VASP: variants seen among roughly 807,000 people sequenced by gnomAD.
VASP encodes vasodilator stimulated phosphoprotein.
A neutral mutation model predicts 54.4 loss-of-function variants in VASP; 27 were observed. The ratio of observed to expected loss-of-function variants is 0.50; its 90% CI spans 0.37 to 0.68. The LOEUF is 0.68. VASP is among the 30% of genes least tolerant of loss of function. The pLI is 0.00. For synonymous variants in VASP, 233 were observed against 209.8 expected (o/e 1.11, Z -0.96); for missense variants, 488 against 528.3 (o/e 0.92, Z 0.75).
At position 45,526,189 on chromosome 19, in the gene VASP, C is replaced by A; in HGVS notation, c.*12C>A. On this transcript the variant is annotated 3_prime_UTR_variant, in exon 13 of 13. Coordinates refer to ENST00000245932, the MANE Select transcript of VASP (RefSeq NM_003370.4). ...GGGGTTCTCCCTGACCACAGGGACC[C>A]AGAAGACCCGCTTCTCCTTTCCGCA... 1 of 1,602,650 alleles carries A rather than the reference C, an allele frequency of 6.2e-7. No homozygotes were observed. Among genetic ancestry groups the A allele is most frequent in the Non-Finnish European group, 8.5e-7 (1 of 1,177,318 alleles).
chr19:45,512,790 G>A (rs536031629), intron 1 of VASP, among the ~76,000 whole-genome samples: 2 of 151,746 alleles, frequency 1.3e-5, no homozygotes, highest in African/African-American at 2.4e-5. Context: ...TAGTAGAGAC[G>A]GGGTTTCGCT....
chr19:45,523,189 AATTTTTTTTTTTTTTTTT>A (rs1968882296), intron 7 of VASP, among the ~76,000 whole-genome samples: 1 of 106,970 alleles, frequency 9.3e-6, no homozygotes, highest in Non-Finnish European at 1.8e-5. Context: ...CAATCTCTTG[AATTTTTTTTTTTTTTTTT>A]TTTTTTTTTT....
At position 45,517,654 on chromosome 19, in the gene VASP, C is replaced by T. The variant is rs764397209; in HGVS notation, c.6-9C>T. On this transcript the variant is annotated splice_polypyrimidine_tract_variant and intron_variant, in intron 1 of 12. Transcript: ENST00000245932. ...GACCGGCCCCTCTCCCTTTTCCTCC[C>T]GCCTGCAGCGAGACGGTCATCTGTT... 1.8e-5 allele frequency: 29 copies of T among 1,604,474 alleles called. No individual in the cohort carries two copies. The highest frequency in any genetic ancestry group is 1.6e-4 in the Middle Eastern group (1 of 6,076).
chr19:45,524,332 G>T lies in VASP; in HGVS notation c.956+190G>T, dbSNP rs575529241. ...TGGGAGGATTACTTGAGCCCAGGAAGTTGAGGCCTCAGCGAGCCATCATCA... is the reference window on the plus strand; with the variant it reads ...TGGGAGGATTACTTGAGCCCAGGAATTTGAGGCCTCAGCGAGCCATCATCA... On this transcript the variant is annotated intron_variant, in intron 10 of 12. Transcript: ENST00000245932. 8.5e-5 allele frequency: 61 copies of T among 720,684 alleles called. No homozygotes were observed. In the African/African-American group the frequency reaches 9.4e-4, roughly 11 times the overall value. The allele number at this position is 720,684 out of a possible 1,614,324, so 44.6% of individuals were successfully genotyped here.
In VASP at chr19:45,517,655, G is replaced by A. The variant is rs754048493; in HGVS notation, c.6-8G>A. The A allele has an allele frequency of 9.3e-6, 15 of 1,604,726 alleles. No individual in the cohort carries two copies. The highest frequency in any genetic ancestry group is 5.0e-5 in the Admixed American group (3 of 59,886). On this transcript the variant is annotated splice_polypyrimidine_tract_variant and splice_region_variant and intron_variant, in intron 1 of 12. Coordinates refer to ENST00000245932, the MANE Select transcript of VASP (RefSeq NM_003370.4). The stretch of plus-strand genomic sequence containing the variant: ...ACCGGCCCCTCTCCCTTTTCCTCCC[G>A]CCTGCAGCGAGACGGTCATCTGTTC...
At chr19:45,523,315 G>C (rs544296313) in intron 7 of VASP, among the ~76,000 whole-genome samples, 1 of 141,038 alleles carries the variant, frequency 7.1e-6, no homozygotes, top group East Asian at 2.2e-4. Context: ...CAGTTCTTCT[G>C]CCTCAGCCTC....
At chr19:45,519,894 C>CTTT (rs57892194) in intron 3 of VASP, among the ~76,000 whole-genome samples, 13,976 of 50,576 alleles carry the variant, frequency 0.28, 4,571 homozygotes, top group Non-Finnish European at 0.35. Flanking sequence ...TGCGCCCGGC[C>CTTT]TTTTTTTTTT....
At chr19:45,515,776 G>A (rs537298946) in intron 1 of VASP, among the ~76,000 whole-genome samples, 1 of 152,222 alleles carries the variant, frequency 6.6e-6, no homozygotes, top group East Asian at 1.9e-4. Context: ...GAGCTCAAGC[G>A]ATCCATTCAC....
intron 1 of VASP, among the ~76,000 whole-genome samples, chr19:45,516,721 GGGT>G (rs770647083): frequency 2.0e-5 from 3 of 152,048 alleles, no homozygotes; most frequent in African/African-American, 4.8e-5. Flanking sequence ...TTTGTGGACT[GGGT>G]GTGGTGGCTC....
intron 8 of VASP, 61 bp from the exon 9 acceptor site, chr19:45,523,780 A>T (rs553566546): frequency 6.2e-7 from 1 of 1,613,996 alleles, no homozygotes; most frequent in African/African-American, 1.3e-5. Context: ...TTTGAACCTG[A>T]AAGAGGAAAT....
chr19:45,524,401 A>C (rs1968914089), intron 10 of VASP, 169 bp from the exon 11 acceptor site: 2 of 723,100 alleles, frequency 2.8e-6, no homozygotes, highest in Non-Finnish European at 4.6e-6. Context: ...CTGTCTCAAA[A>C]CAAAACACAA....
rs192061160 is a variant in VASP, at chr19:45,510,722, C to G, written c.5+2946C>G. 1.2e-3 allele frequency among the ~76,000 whole-genome samples: 186 copies of G among 152,208 alleles called. 2 individuals are homozygous for G. The highest frequency in any genetic ancestry group is 4.4e-3 in the African/African-American group (181 of 41,518). On this transcript the variant is annotated intron_variant, in intron 1 of 12. Transcript: ENST00000245932. ...CCAAGGCAGAAGGATCGCTTGAGCC[C>G]AGGAGTTTGAGAACAGCCTGGGCAA...
chr19:45,509,507 C>G (rs2122278611), intron 1 of VASP, among the ~76,000 whole-genome samples: 1 of 133,872 alleles, frequency 7.5e-6, no homozygotes, highest in African/African-American at 3.0e-5. Context: ...TGGGCCGGCC[C>G]CCTGTCCTCC....
At chr19:45,510,780 A>G (rs1247154989) in intron 1 of VASP, among the ~76,000 whole-genome samples, 1 of 152,040 alleles carries the variant, frequency 6.6e-6, no homozygotes, top group Non-Finnish European at 1.5e-5. Flanking sequence ...AAAATATACA[A>G]AAATTAGCTG....
intron 11 of VASP, 157 bp downstream of exon 11, chr19:45,524,817 C>T: frequency 3.4e-5 from 22 of 646,520 alleles, no homozygotes; most frequent in South Asian, 1.3e-4. Flanking sequence ...ACCGAGACTC[C>T]ACACCCCCTT....
chr19:45,515,331 G>C (rs1968681079), intron 1 of VASP, among the ~76,000 whole-genome samples: 1 of 152,114 alleles, frequency 6.6e-6, no homozygotes. Flanking sequence ...CCCTTCCCCT[G>C]TGTGACCTTG....
In VASP at chr19:45,507,703, T is replaced by C; in HGVS notation, c.-69T>C. 6.6e-7 allele frequency: 1 copy of C among 1,513,272 alleles called. No homozygotes were observed. The highest frequency in any genetic ancestry group is 1.4e-5 in the African/African-American group (1 of 69,810). The allele number at this position is 1,513,272 out of a possible 1,614,324, so 93.7% of individuals were successfully genotyped here. On this transcript the variant is annotated 5_prime_UTR_variant, in exon 1 of 13. Coordinates refer to ENST00000245932, the MANE Select transcript of VASP (RefSeq NM_003370.4). The surrounding 1 kb of genome is among the most constrained non-coding windows in gnomAD (Gnocchi z 4.4). Reference sequence around the variant, plus strand: ...GAGCCCGGAGCCAGCCCCGAACCCCTGAACCTCCAGCCAGGGGCGCCCCGG... The same window carrying C: ...GAGCCCGGAGCCAGCCCCGAACCCCCGAACCTCCAGCCAGGGGCGCCCCGG...
rs1968743152 is a variant in VASP, at chr19:45,517,946, C to G, written c.195C>G (p.Ala65=). The G allele has an allele frequency of 6.2e-7, 1 of 1,613,752 alleles. No homozygotes were observed. Among genetic ancestry groups the G allele is most frequent in the Non-Finnish European group, 8.5e-7 (1 of 1,179,912 alleles). The part of the protein sequence containing the change: ...QPDQQVVINC[A]IVRGVKYNQA... ...CCCACCAGGTGGTCATCAACTGTGCCATCGTCCGGGGTGTCAAGTATAACC... is the reference window on the plus strand; with the variant it reads ...CCCACCAGGTGGTCATCAACTGTGCGATCGTCCGGGGTGTCAAGTATAACC... Residue 65 remains alanine, a synonymous_variant, in exon 3 of 13, where the codon GCC becomes GCG. Transcript: ENST00000245932.
At chr19:45,523,521 G>T in intron 7 of VASP, 123 bp from the exon 8 acceptor site, 2 of 1,115,808 alleles carry the variant, frequency 1.8e-6, no homozygotes, top group East Asian at 5.1e-5. Context: ...TCTAAAACTA[G>T]AGTTTCCTTA....
Sources: gnomAD v4.1 joint callset for allele counts (sites outside exome capture counted in the v4.1 genomes callset) on GRCh38, gnomAD v4.1.1 for gene constraint, Gnocchi (gnomAD v3.1) non-coding constraint, MANE v1.5 for transcripts, NCBI Gene and HGNC (gene_info 2026-07-23, HGNC 2026-07-21) for gene names.